The following TUT4 variants were observed in gnomAD, a reference collection of about 807,000 sequenced individuals.
TUT4 encodes terminal uridylyltransferase 4.
In TUT4, 36 loss-of-function variants were observed where a neutral mutation model predicts 192.2. The ratio of observed to expected loss-of-function variants is 0.19; its 90% CI spans 0.14 to 0.25. The LOEUF (loss-of-function observed/expected upper bound fraction) is 0.25, where lower values mean the gene tolerates loss of function less well. Ranked by LOEUF, TUT4 falls within the 10% of genes least tolerant of loss-of-function variation. TUT4 has a pLI of 1.00. For missense variants in TUT4, 1,493 were observed against 1,957.2 expected (o/e 0.76, Z 4.47); for synonymous variants, 618 against 666.0 (o/e 0.93, Z 1.11).
intron 11 of TUT4, among the ~76,000 whole-genome samples, chr1:52,478,620 T>G (rs1292197391): frequency 6.6e-6 from 1 of 152,198 alleles, no homozygotes; most frequent in African/African-American, 2.4e-5. Context: ...AATAAGGTCC[T>G]ACTTCATAGA....
intron 2 of TUT4, among the ~76,000 whole-genome samples, chr1:52,525,222 A>C (rs1681412651): frequency 6.6e-6 from 1 of 152,192 alleles, no homozygotes; most frequent in South Asian, 2.1e-4. Context: ...CAATACATAC[A>C]TATTTGGTGA....
At chr1:52,445,421 C>T (rs1251554897) in intron 24 of TUT4, among the ~76,000 whole-genome samples, 2 of 152,140 alleles carry the variant, frequency 1.3e-5, no homozygotes, top group African/African-American at 4.8e-5. Context: ...CAATGAGCAG[C>T]ACCTAAAATT....
At chr1:52,437,101 C>T (rs1336815093) in intron 25 of TUT4, 123 bp from the exon 26 acceptor site, 1 of 1,368,138 alleles carries the variant, frequency 7.3e-7, no homozygotes, top group African/African-American at 1.5e-5. Flanking sequence ...TTTTTGAAGG[C>T]AAGGGAACAA....
chr1:52,442,403 G>C (rs1299187896), intron 24 of TUT4, among the ~76,000 whole-genome samples: 1 of 152,182 alleles, frequency 6.6e-6, no homozygotes, highest in Non-Finnish European at 1.5e-5. Context: ...CTTGCATGCT[G>C]TTATAATCTC....
At chr1:52,429,595 T>C (rs767460483) in intron 28 of TUT4, among the ~76,000 whole-genome samples, 2 of 151,070 alleles carry the variant, frequency 1.3e-5, no homozygotes, top group Non-Finnish European at 2.9e-5. Context: ...ATTTTATTTA[T>C]TTATTTATTT....
chr1:52,431,621 A>G (rs925516247), intron 27 of TUT4, 161 bp from the exon 28 acceptor site: 1 of 527,026 alleles, frequency 1.9e-6, no homozygotes. Context: ...CCCCCTTTTC[A>G]AGTAGGTATT....
At chr1:52,441,734 ACT>A (rs1374404110) in intron 24 of TUT4, among the ~76,000 whole-genome samples, 1 of 152,170 alleles carries the variant, frequency 6.6e-6, no homozygotes, top group African/African-American at 2.4e-5. Flanking sequence ...TGTACTATAT[ACT>A]TAAAATTGTC....
intron 14 of TUT4, among the ~76,000 whole-genome samples, chr1:52,470,401 A>C (rs1473674578): frequency 1.3e-5 from 2 of 152,196 alleles, no homozygotes; most frequent in African/African-American, 2.4e-5. Context: ...CTGCTAAAAA[A>C]CACGTGCCAT....
intron 8 of TUT4, among the ~76,000 whole-genome samples, chr1:52,489,408 T>C (rs1670596584): frequency 6.6e-6 from 1 of 152,242 alleles, no homozygotes; most frequent in Admixed American, 6.5e-5. Context: ...GGTAATTTCC[T>C]AGTTCAATCC....
chr1:52,509,206 C>G (rs72666827), intron 4 of TUT4, among the ~76,000 whole-genome samples: 505 of 152,290 alleles, frequency 3.3e-3, no homozygotes, highest in Admixed American at 0.01. Context: ...ATCTTCCCCC[C>G]CTAACAAGAC....
At chr1:52,498,981 A>C (rs1673362024) in intron 4 of TUT4, among the ~76,000 whole-genome samples, 1 of 135,296 alleles carries the variant, frequency 7.4e-6, no homozygotes, top group African/African-American at 2.8e-5. Context: ...CAGAAATATA[A>C]AGATCAATCC....
intron 6 of TUT4, 30 bp from the exon 7 acceptor site, chr1:52,493,692 A>G (rs1227371141): frequency 7.2e-7 from 1 of 1,385,972 alleles, no homozygotes; most frequent in Middle Eastern, 1.8e-4. Flanking sequence ...AAATCGATAT[A>G]CTAATTTCAA....
At chr1:52,517,305 G>A (rs1475060572) in intron 2 of TUT4, among the ~76,000 whole-genome samples, 1 of 152,170 alleles carries the variant, frequency 6.6e-6, no homozygotes, top group Non-Finnish European at 1.5e-5. Flanking sequence ...ACAATGCCTA[G>A]ATCTGAGCTA....
chr1:52,527,638 T>C (rs1682173900), intron 1 of TUT4, among the ~76,000 whole-genome samples: 1 of 152,140 alleles, frequency 6.6e-6, no homozygotes, highest in African/African-American at 2.4e-5. Context: ...TAATAGTGAA[T>C]ATCTGTCATT....
chr1:52,463,827 T>C (rs1222305424), intron 16 of TUT4: 1 of 1,297,548 alleles, frequency 7.7e-7, no homozygotes, highest in Admixed American at 2.3e-5. Context: ...CTGCTGAAAT[T>C]GCACTTGGGG....
intron 4 of TUT4, among the ~76,000 whole-genome samples, chr1:52,504,729 C>T (rs951520247): frequency 3.9e-5 from 6 of 152,170 alleles, no homozygotes; most frequent in African/African-American, 1.4e-4. Flanking sequence ...ATCTATCAAG[C>T]AATAACTCCC....
intron 19 of TUT4, among the ~76,000 whole-genome samples, chr1:52,459,088 A>G (rs1357018851): frequency 6.6e-6 from 1 of 152,124 alleles, no homozygotes; most frequent in Admixed American, 6.5e-5. Flanking sequence ...AAAAACAAAG[A>G]ACAAGGGGCT....
chr1:52,551,907 A>T (rs1005930719), intron 1 of TUT4, among the ~76,000 whole-genome samples: 2 of 152,240 alleles, frequency 1.3e-5, no homozygotes, highest in African/African-American at 4.8e-5. Context: ...GAGGGAAAAA[A>T]TCTTTGGAAA....
At chr1:52,471,809 T>C (rs1665855051) in intron 14 of TUT4, 143 bp downstream of exon 14, 1 of 830,266 alleles carries the variant, frequency 1.2e-6, no homozygotes, top group Admixed American at 3.1e-5. Context: ...ATAATAGTCA[T>C]TTAGTAAATA....
Sources: gnomAD v4.1 joint callset for allele counts (sites outside exome capture counted in the v4.1 genomes callset) on GRCh38, gnomAD v4.1.1 for gene constraint, MANE v1.5 for transcripts, NCBI Gene and HGNC (gene_info 2026-07-23, HGNC 2026-07-21) for gene names.